CNTNAP5: variants seen among roughly 807,000 people sequenced by gnomAD.
CNTNAP5 encodes the protein contactin associated protein family member 5.
In CNTNAP5, 72 loss-of-function variants were observed where a neutral mutation model predicts 150.2. The observed-to-expected ratio is 0.48, with a 90% CI of 0.40 to 0.58. The LOEUF (loss-of-function observed/expected upper bound fraction) is 0.58, where lower values mean the gene tolerates loss of function less well. CNTNAP5 is among the 20% of genes least tolerant of loss of function. The pLI is 0.00. For missense variants in CNTNAP5, 1,636 were observed against 1,626.2 expected (o/e 1.01, Z -0.10); for synonymous variants, 672 against 619.8 (o/e 1.08, Z -1.25).
intron 19 of CNTNAP5, among the ~76,000 whole-genome samples, chr2:124,859,572 G>T (rs1677464743): frequency 6.6e-6 from 1 of 152,144 alleles, no homozygotes; most frequent in South Asian, 2.1e-4. Flanking sequence ...TATACCCAAA[G>T]GATTATAAAT....
intron 3 of CNTNAP5, among the ~76,000 whole-genome samples, chr2:124,277,234 C>T (rs906839835): frequency 6.6e-6 from 1 of 152,256 alleles, no homozygotes; most frequent in Admixed American, 6.5e-5. Context: ...TGCACATCGC[C>T]ATGCAAGATG....
intron 3 of CNTNAP5, among the ~76,000 whole-genome samples, chr2:124,344,706 T>C (rs1364838331): frequency 3.3e-5 from 5 of 152,144 alleles, no homozygotes; most frequent in Non-Finnish European, 7.3e-5. Context: ...CAGTGAGCCA[T>C]GATAGCACCA....
At chr2:124,294,068 A>G (rs1373148313) in intron 3 of CNTNAP5, among the ~76,000 whole-genome samples, 1 of 152,126 alleles carries the variant, frequency 6.6e-6, no homozygotes, top group African/African-American at 2.4e-5. Flanking sequence ...GGGTGGAAGG[A>G]GGCTGGGTGT....
chr2:124,895,404 T>C (rs1438183294), intron 21 of CNTNAP5, among the ~76,000 whole-genome samples: 1 of 151,536 alleles, frequency 6.6e-6, no homozygotes, highest in African/African-American at 2.4e-5. Context: ...GGTGGGAGGA[T>C]TGCTTGAGCC....
chr2:124,698,845 A>G (rs1443684789), intron 13 of CNTNAP5, among the ~76,000 whole-genome samples: 2 of 152,056 alleles, frequency 1.3e-5, no homozygotes, highest in Non-Finnish European at 2.9e-5. Context: ...CCTGCATGAG[A>G]GACTCACTCT....
rs185015083 is a variant in CNTNAP5 at position 124,128,614 on chromosome 2, A to G, written c.83-93091A>G. Reference sequence around the variant, plus strand: ...CTACTATAAAGACACATGCACACGTATGTTTATTGCGGCACTATTCACAAT... The same window carrying G: ...CTACTATAAAGACACATGCACACGTGTGTTTATTGCGGCACTATTCACAAT... On this transcript the variant is annotated intron_variant, in intron 1 of 23. Coordinates refer to ENST00000682447, the MANE Select transcript of CNTNAP5 (RefSeq NM_001367498.1). 2.6e-3 allele frequency among the ~76,000 whole-genome samples: 390 copies of G among 152,314 alleles called. 6 individuals carry two copies. The South Asian group carries it at 0.03, about 12-fold the overall frequency.
chr2:124,584,212 C>T (rs531001344), intron 11 of CNTNAP5, among the ~76,000 whole-genome samples: 2 of 152,146 alleles, frequency 1.3e-5, no homozygotes, highest in Non-Finnish European at 2.9e-5. Flanking sequence ...ACACATTGCT[C>T]GGGTTTTGCA....
chr2:124,898,480 C>T (rs1678353525), intron 21 of CNTNAP5, among the ~76,000 whole-genome samples: 1 of 151,524 alleles, frequency 6.6e-6, no homozygotes, highest in Non-Finnish European at 1.5e-5. Flanking sequence ...TCTGAGGCTA[C>T]ACTTGACTCT....
intron 4 of CNTNAP5, among the ~76,000 whole-genome samples, chr2:124,422,718 G>C (rs1267821693): frequency 6.6e-6 from 1 of 152,220 alleles, no homozygotes; most frequent in African/African-American, 2.4e-5. Flanking sequence ...AAGTTTAGCT[G>C]TTGACTGGGC....
At chr2:124,525,521 A>T (rs1195348663) in intron 9 of CNTNAP5, among the ~76,000 whole-genome samples, 1 of 152,254 alleles carries the variant, frequency 6.6e-6, no homozygotes, top group Admixed American at 6.5e-5. Context: ...TAGTCTCTTA[A>T]ATAGAATTTA....
intron 5 of CNTNAP5, among the ~76,000 whole-genome samples, chr2:124,440,737 A>G (rs888455835): frequency 4.6e-5 from 7 of 152,122 alleles, no homozygotes; most frequent in Admixed American, 4.6e-4. Context: ...CATGAAAACA[A>G]GTTTTTATTT....
At chr2:124,731,010 G>A (rs148603484) in intron 13 of CNTNAP5, among the ~76,000 whole-genome samples, 2 of 152,192 alleles carry the variant, frequency 1.3e-5, no homozygotes, top group East Asian at 3.9e-4. Flanking sequence ...CATTAGAAGA[G>A]CTGCTCTGTG....
intron 3 of CNTNAP5, among the ~76,000 whole-genome samples, chr2:124,388,388 A>T (rs1463457511): frequency 2.0e-5 from 3 of 152,188 alleles, no homozygotes; most frequent in Non-Finnish European, 4.4e-5. Context: ...AAAGGCAAGC[A>T]TGCGGTTCTG....
chr2:124,786,864 C>T (rs1489230593), intron 17 of CNTNAP5, among the ~76,000 whole-genome samples: 1 of 152,152 alleles, frequency 6.6e-6, no homozygotes, highest in Admixed American at 6.5e-5. Context: ...AAAGAAAAAG[C>T]AAACTTACTC....
At chr2:124,295,273 A>T (rs1688394480) in intron 3 of CNTNAP5, among the ~76,000 whole-genome samples, 1 of 148,126 alleles carries the variant, frequency 6.8e-6, no homozygotes, top group Admixed American at 6.8e-5. Flanking sequence ...TCTAGTTTTG[A>T]TCATTTGGGC....
intron 12 of CNTNAP5, among the ~76,000 whole-genome samples, chr2:124,635,287 C>A (rs1677948901): frequency 6.6e-6 from 1 of 152,014 alleles, no homozygotes; most frequent in African/African-American, 2.4e-5. Flanking sequence ...CAACCAGATC[C>A]CATGAAAACT....
Position 124,869,690 on chromosome 2 carries a change from C to G in CNTNAP5, c.3364C>G (p.Arg1122Gly), listed in dbSNP as rs1421933502. ...ELTIQMDQQLRLSYNFSPEVE... is the reference protein window; with the variant it reads ...ELTIQMDQQLGLSYNFSPEVE... ...TTTCCTGCAGATGGACCAGCAACTTCGACTCAGTTATAACTTCTCTCCGGA... is the reference window on the plus strand; with the variant it reads ...TTTCCTGCAGATGGACCAGCAACTTGGACTCAGTTATAACTTCTCTCCGGA... Residue 1122 changes from arginine (R) to glycine (G), a missense_variant, in exon 21 of 24, where the codon CGA becomes GGA. Coordinates refer to ENST00000682447, the MANE Select transcript of CNTNAP5 (RefSeq NM_001367498.1). 7 of 1,610,530 alleles carry G rather than the reference C, an allele frequency of 4.3e-6. No homozygotes were observed. The highest frequency in any genetic ancestry group is 5.9e-6 in the Non-Finnish European group (7 of 1,177,590).
intron 3 of CNTNAP5, among the ~76,000 whole-genome samples, chr2:124,356,671 G>A (rs1430339730): frequency 6.6e-6 from 1 of 152,056 alleles, no homozygotes; most frequent in Non-Finnish European, 1.5e-5. Context: ...ATTCCATGGT[G>A]TATATGTGCC....
chr2:124,859,884 G>A (rs1000167595), intron 19 of CNTNAP5, among the ~76,000 whole-genome samples: 3 of 152,090 alleles, frequency 2.0e-5, no homozygotes, highest in African/African-American at 4.8e-5. Flanking sequence ...ACAGGAAGGG[G>A]AACATCATAC....
Sources: allele counts gnomAD v4.1 joint callset (sites outside exome capture counted in the v4.1 genomes callset), GRCh38; gene constraint gnomAD v4.1.1; transcripts MANE v1.5; gene names NCBI Gene and HGNC (gene_info 2026-07-23, HGNC 2026-07-21).